The following LRP1B variants were observed in gnomAD, a reference collection of about 807,000 sequenced individuals.
LRP1B encodes LDL receptor related protein 1B.
LRP1B carries 217 observed loss-of-function variants against 556.6 expected under a neutral mutation model. The ratio of observed to expected loss-of-function variants is 0.39; its 90% CI spans 0.35 to 0.44. LRP1B has a LOEUF of 0.44. Among genes scored for constraint, LRP1B ranks in the 20% least tolerant of loss-of-function variants. The pLI is 1.00. For synonymous variants in LRP1B, 2,047 were observed against 1,865.8 expected (o/e 1.10, Z -2.50); for missense variants, 5,053 against 5,620.8 (o/e 0.90, Z 3.23).
At chr2:141,735,767 C>T (rs1693441936) in intron 2 of LRP1B, among the ~76,000 whole-genome samples, 1 of 151,998 alleles carries the variant, frequency 6.6e-6, no homozygotes, top group Non-Finnish European at 1.5e-5. Flanking sequence ...TTCTTCCGAA[C>T]ATCCAAGAAT....
intron 2 of LRP1B, among the ~76,000 whole-genome samples, chr2:141,745,890 C>T (rs1167468728): frequency 6.6e-6 from 1 of 151,892 alleles, no homozygotes; most frequent in Non-Finnish European, 1.5e-5. Flanking sequence ...GATCTTTAGT[C>T]AGCAGGTGAC....
chr2:140,969,074 C>T (rs1361153867), intron 18 of LRP1B, among the ~76,000 whole-genome samples: 1 of 152,094 alleles, frequency 6.6e-6, no homozygotes, highest in Non-Finnish European at 1.5e-5. Context: ...AGTTCAATTC[C>T]TGGATATCCT....
At chr2:141,595,064 C>T (rs1687470651) in intron 2 of LRP1B, among the ~76,000 whole-genome samples, 1 of 151,924 alleles carries the variant, frequency 6.6e-6, no homozygotes, top group African/African-American at 2.4e-5. Flanking sequence ...ATAGTACAAA[C>T]AGAATATTTA....
In LRP1B at chr2:140,253,781, C is replaced by T. The variant is rs1573689315; in HGVS notation, c.13248-6619G>A. Reference sequence around the variant, plus strand: ...TCAACTGAAAAGGAAAACGAACTATCATAAAATTAATATTAAGTAATATGG... The same window carrying T: ...TCAACTGAAAAGGAAAACGAACTATTATAAAATTAATATTAAGTAATATGG... On this transcript the variant is annotated intron_variant, in intron 86 of 90. Transcript: ENST00000389484. 3.9e-5 allele frequency among the ~76,000 whole-genome samples: 6 copies of T among 152,102 alleles called. No homozygotes were observed. The Middle Eastern group carries it at 0.017, about 431-fold the overall frequency.
At chr2:140,871,409 C>A (rs1213570878) in intron 25 of LRP1B, among the ~76,000 whole-genome samples, 1 of 151,876 alleles carries the variant, frequency 6.6e-6, no homozygotes, top group Non-Finnish European at 1.5e-5. Context: ...GTTAAGGAAA[C>A]AGAGAAAGGG....
At chr2:142,110,586 G>A (rs1403609358) in intron 1 of LRP1B, among the ~76,000 whole-genome samples, 1 of 152,090 alleles carries the variant, frequency 6.6e-6, no homozygotes, top group Non-Finnish European at 1.5e-5. Flanking sequence ...CATTTTGAAT[G>A]ACTAATCTAA....
chr2:140,766,861 TATATA>T (rs1689138311), intron 35 of LRP1B, among the ~76,000 whole-genome samples: 2 of 57,146 alleles, frequency 3.5e-5, no homozygotes, highest in Admixed American at 3.4e-4. Flanking sequence ...TATATATATA[TATATA>T]ATATATATAA....
In LRP1B at chr2:140,695,385, A is replaced by G. The variant is rs1177159923; in HGVS notation, c.6799+4865T>C. 4.6e-5 allele frequency among the ~76,000 whole-genome samples: 7 copies of G among 152,108 alleles called. No individual in the cohort carries two copies. The South Asian group carries it at 8.3e-4, about 18-fold the overall frequency. ...AAGCTTCTAGGGTTAGTCACTTCCT[A>G]CAAGTCATTGGCCTAACAGTAGATG... On this transcript the variant is annotated intron_variant, in intron 41 of 90. Transcript: ENST00000389484.
chr2:141,466,791 A>G, intron 3 of LRP1B, among the ~76,000 whole-genome samples: 1 of 152,118 alleles, frequency 6.6e-6, no homozygotes, highest in Admixed American at 6.6e-5. Flanking sequence ...CTTACCTTCA[A>G]TGGAATGTCT....
rs569860077 is a variant in LRP1B at position 141,490,463 on chromosome 2, A to T, written c.206-9930T>A. The stretch of plus-strand genomic sequence containing the variant: ...CAGTTTAACTGCAAGTTGGCACCTG[A>T]ATCCAAAAAGTATAGGTTAAGTCAT... On this transcript the variant is annotated intron_variant, in intron 2 of 90. Coordinates refer to ENST00000389484, the MANE Select transcript of LRP1B (RefSeq NM_018557.3). Among the ~76,000 whole-genome samples the T allele has an allele frequency of 6.6e-5, 10 of 151,766 alleles. No individual in the cohort carries two copies. In the South Asian group the frequency reaches 2.1e-3, roughly 31 times the overall value.
intron 6 of LRP1B, among the ~76,000 whole-genome samples, chr2:141,217,852 C>T (rs1441227379): frequency 2.0e-5 from 3 of 151,866 alleles, no homozygotes. Flanking sequence ...GACTGATGTC[C>T]AAAATCTTTA....
intron 77 of LRP1B, among the ~76,000 whole-genome samples, chr2:140,349,596 T>A: frequency 6.6e-6 from 1 of 152,098 alleles, no homozygotes; most frequent in Non-Finnish European, 1.5e-5. Flanking sequence ...CCTCTTGAAA[T>A]AGAGAGTACC....
At chr2:141,092,617 TCA>T (rs994387598) in intron 7 of LRP1B, among the ~76,000 whole-genome samples, 5 of 152,136 alleles carry the variant, frequency 3.3e-5, no homozygotes, top group African/African-American at 9.7e-5. Context: ...CTAAAATATT[TCA>T]CAGTTTGCCA....
chr2:141,971,376 T>A (rs1701728477), intron 1 of LRP1B, among the ~76,000 whole-genome samples: 1 of 151,486 alleles, frequency 6.6e-6, no homozygotes, highest in African/African-American at 2.4e-5. Flanking sequence ...ATAAAAGACA[T>A]CATATCCTAA....
At chr2:140,570,645 G>A (rs1481999554) in intron 43 of LRP1B, among the ~76,000 whole-genome samples, 1 of 151,468 alleles carries the variant, frequency 6.6e-6, no homozygotes, top group African/African-American at 2.4e-5. Context: ...AATTAAAAAA[G>A]AAGGAATTCC....
intron 3 of LRP1B, among the ~76,000 whole-genome samples, chr2:141,388,541 A>G (rs113575446): frequency 0.056 from 8,582 of 152,248 alleles, 284 homozygotes; most frequent in South Asian, 0.083. Context: ...TTAAACCCAC[A>G]GCTAACATAA....
intron 43 of LRP1B, among the ~76,000 whole-genome samples, chr2:140,584,559 T>C (rs946249438): frequency 2.0e-5 from 3 of 152,108 alleles, no homozygotes; most frequent in African/African-American, 7.2e-5. Flanking sequence ...GTTAAATCAA[T>C]CCATCAGTAT....
chr2:141,236,889 C>A (rs1683665084), intron 5 of LRP1B, among the ~76,000 whole-genome samples: 1 of 152,212 alleles, frequency 6.6e-6, no homozygotes, highest in Admixed American at 6.6e-5. Context: ...CCTAAGAAAA[C>A]CTCTTCTATG....
intron 1 of LRP1B, among the ~76,000 whole-genome samples, chr2:142,072,623 A>T (rs887620150): frequency 9.2e-5 from 14 of 151,938 alleles, no homozygotes; most frequent in South Asian, 4.1e-4. Flanking sequence ...ATCAGGCATT[A>T]TTAGTGTTAG....
Sources: gnomAD v4.1 joint callset for allele counts (sites outside exome capture counted in the v4.1 genomes callset) on GRCh38, gnomAD v4.1.1 for gene constraint, MANE v1.5 for transcripts, NCBI Gene and HGNC (gene_info 2026-07-23, HGNC 2026-07-21) for gene names.